The following SERGEF variants were observed in gnomAD, a reference collection of about 807,000 sequenced individuals.
The protein encoded by SERGEF is secretion regulating guanine nucleotide exchange factor, also known as secretion-regulating guanine nucleotide exchange factor.
Under a neutral mutation model 50.0 loss-of-function variants are expected in SERGEF, and 51 were observed. That is an observed-to-expected ratio of 1.02 (90% confidence interval 0.81 to 1.29). The LOEUF is 1.29. Ranked by LOEUF, SERGEF falls within the 50% of genes most tolerant of loss-of-function variation. The pLI is 0.00. For missense variants in SERGEF, 521 were observed against 557.0 expected (o/e 0.94, Z 0.65); for synonymous variants, 205 against 212.4 (o/e 0.97, Z 0.30).
At chr11:17,995,764 C>G (rs779153698) in intron 6 of SERGEF, 32 bp downstream of exon 6, 2 of 1,431,676 alleles carry the variant, frequency 1.4e-6, no homozygotes, top group Non-Finnish European at 2.0e-6. Flanking sequence ...TGACAAAGAA[C>G]AAATATAGGA....
intron 9 of SERGEF, among the ~76,000 whole-genome samples, chr11:17,896,760 G>GAAGGGAAGGGTAAGGGAAGGGT (rs1305581649): frequency 3.3e-5 from 2 of 60,114 alleles, no homozygotes; most frequent in South Asian, 7.5e-4. Context: ...AAGGGTAAGG[G>GAAGGGAAGGGTAAGGGAAGGGT]AAGGGAAGGG....
At chr11:17,995,598 C>A (rs1404157327) in intron 6 of SERGEF, among the ~76,000 whole-genome samples, 198 bp downstream of exon 6, 1 of 152,154 alleles carries the variant, frequency 6.6e-6, no homozygotes, top group Non-Finnish European at 1.5e-5. Context: ...TCAATCGGTT[C>A]CAAACTCTGG....
At chr11:17,853,996 G>C (rs1046471047) in intron 10 of SERGEF, 1 of 148,866 alleles carries the variant, frequency 6.7e-6, no homozygotes, top group Non-Finnish European at 1.5e-5. Context: ...ACTCCAGCCT[G>C]GGGGACAGAG....
At chr11:17,935,608 G>A (rs951703958) in intron 9 of SERGEF, among the ~76,000 whole-genome samples, 2 of 152,140 alleles carry the variant, frequency 1.3e-5, no homozygotes, top group Non-Finnish European at 2.9e-5. Flanking sequence ...ACTTATCCAA[G>A]TTTATACAGG....
At chr11:17,891,453 G>C (rs996248149) in intron 9 of SERGEF, among the ~76,000 whole-genome samples, 1 of 152,072 alleles carries the variant, frequency 6.6e-6, no homozygotes, top group African/African-American at 2.4e-5. Context: ...TGGTCAGTTC[G>C]GGACTCTCTC....
At chr11:17,831,146 C>T (rs556955546) in intron 10 of SERGEF, among the ~76,000 whole-genome samples, 25 of 152,318 alleles carry the variant, frequency 1.6e-4, no homozygotes, top group African/African-American at 6.0e-4. Context: ...TCACTTGGTG[C>T]ACTTGTCAAA....
intron 1 of SERGEF, among the ~76,000 whole-genome samples, chr11:18,008,986 C>T (rs1044539065): frequency 6.6e-6 from 1 of 152,094 alleles, no homozygotes; most frequent in Non-Finnish European, 1.5e-5. Context: ...ACTGTCTCCC[C>T]TTGTCCTTGA....
chr11:17,942,163 T>C (rs1852574953), intron 9 of SERGEF, among the ~76,000 whole-genome samples: 1 of 152,172 alleles, frequency 6.6e-6, no homozygotes, highest in South Asian at 2.1e-4. Flanking sequence ...TCTTGAGATT[T>C]TGATTGGGGT....
intron 10 of SERGEF, among the ~76,000 whole-genome samples, chr11:17,861,029 AG>A (rs1208238122): frequency 6.6e-6 from 1 of 152,218 alleles, no homozygotes; most frequent in Non-Finnish European, 1.5e-5. Context: ...AGTGAGGGAA[AG>A]GGCCATTTCC....
intron 9 of SERGEF, among the ~76,000 whole-genome samples, chr11:17,939,193 G>A (rs1852514248): frequency 6.6e-6 from 1 of 152,092 alleles, no homozygotes; most frequent in South Asian, 2.1e-4. Context: ...AGACAAGAGT[G>A]GCAGAACAAG....
intron 10 of SERGEF, among the ~76,000 whole-genome samples, chr11:17,874,836 A>T (rs1851212097): frequency 6.6e-6 from 1 of 152,174 alleles, no homozygotes. Flanking sequence ...GGACCCTGAT[A>T]TCCAGGCTGG....
intron 9 of SERGEF, among the ~76,000 whole-genome samples, chr11:17,953,372 G>A (rs1005797757): frequency 5.3e-5 from 8 of 152,190 alleles, no homozygotes; most frequent in African/African-American, 9.7e-5. Flanking sequence ...GAATAGGCAC[G>A]AAAGTACTTG....
chr11:18,012,699 C>G, intron 1 of SERGEF: 1 of 1,207,016 alleles, frequency 8.3e-7, no homozygotes, highest in Non-Finnish European at 1.1e-6. Context: ...CAGGTTCTTC[C>G]CGCGGCGCCA....
chr11:17,903,988 G>A (rs867553151), intron 9 of SERGEF, among the ~76,000 whole-genome samples: 1 of 152,236 alleles, frequency 6.6e-6, no homozygotes, highest in Non-Finnish European at 1.5e-5. Context: ...ATCACCACAA[G>A]TGCCAGATCA....
chr11:17,982,735 A>G (rs987856637), intron 8 of SERGEF, among the ~76,000 whole-genome samples: 3 of 152,236 alleles, frequency 2.0e-5, no homozygotes, highest in African/African-American at 4.8e-5. Flanking sequence ...CTTAGACATC[A>G]AATGCAATAA....
At chr11:17,789,264 T>C (rs1849438691) in intron 10 of SERGEF, among the ~76,000 whole-genome samples, 1 of 152,234 alleles carries the variant, frequency 6.6e-6, no homozygotes, top group African/African-American at 2.4e-5. Context: ...TCTGGCACTC[T>C]GTAGTGAGGG....
intron 10 of SERGEF, among the ~76,000 whole-genome samples, chr11:17,834,915 C>T (rs935337320): frequency 6.6e-6 from 1 of 152,142 alleles, no homozygotes; most frequent in African/African-American, 2.4e-5. Context: ...TTTGTCAGCT[C>T]CTTGAGAGCA....
chr11:17,887,485 T>C (rs1451499912), intron 9 of SERGEF, among the ~76,000 whole-genome samples: 2 of 152,162 alleles, frequency 1.3e-5, no homozygotes, highest in Non-Finnish European at 2.9e-5. Context: ...GCCAGGTAAA[T>C]ATCCTATGGC....
At chr11:17,998,440 CAT>C (rs60861006) in intron 5 of SERGEF, among the ~76,000 whole-genome samples, 1,329 of 32,364 alleles carry the variant, frequency 0.041, 10 homozygotes, top group East Asian at 0.093. Context: ...TACATACATA[CAT>C]ATATATATAT....
Sources: gnomAD v4.1 joint callset for allele counts (sites outside exome capture counted in the v4.1 genomes callset) on GRCh38, gnomAD v4.1.1 for gene constraint, MANE v1.5 for transcripts, NCBI Gene and HGNC (gene_info 2026-07-23, HGNC 2026-07-21) for gene names.